ATP6V0A4: variants seen among roughly 807,000 people sequenced by gnomAD.
The protein encoded by ATP6V0A4 is V-type proton ATPase 116 kDa subunit a 4.
A neutral mutation model predicts 107.3 loss-of-function variants in ATP6V0A4; 86 were observed. The observed-to-expected ratio is 0.80, with a 90% CI of 0.67 to 0.96. The LOEUF is 0.96. ATP6V0A4 is among the 40% of genes least tolerant of loss of function. The probability of loss-of-function intolerance (pLI) is 0.00; values close to 1 mark genes in which losing one functional copy is unlikely to be tolerated. For synonymous variants in ATP6V0A4, 353 were observed against 381.4 expected, an observed-to-expected ratio of 0.93 and a Z score of 0.87; for missense variants, 908 against 1,045.6, an observed-to-expected ratio of 0.87 and a Z score of 1.81.
rs1366722734 is a variant in ATP6V0A4 at position 138,747,283 on chromosome 7, A to G, written c.1320+142T>C. ...TCCAAAGGAATTACCTTTGGCCAGA[A>G]GTTTTAGGTTAATTTGGCTCTTTTT... On this transcript the variant is annotated intron_variant, in intron 13 of 21. Coordinates refer to ENST00000310018, the MANE Select transcript of ATP6V0A4 (RefSeq NM_020632.3). 4.6e-6 allele frequency: 5 copies of G among 1,085,790 alleles called. No individual in the cohort carries two copies. In the East Asian group the frequency reaches 1.0e-4, roughly 22 times the overall value. The allele number at this position is 1,085,790 out of a possible 1,614,324, so 67.3% of individuals were successfully genotyped here.
intron 21 of ATP6V0A4, among the ~76,000 whole-genome samples, chr7:138,708,515 C>A (rs758319227): frequency 2.6e-5 from 4 of 152,108 alleles, no homozygotes; most frequent in African/African-American, 9.7e-5. Context: ...AACATCAGGG[C>A]AAGCTGGGTA....
chr7:138,767,076 A>G (rs774125292), intron 5 of ATP6V0A4, among the ~76,000 whole-genome samples: 22 of 152,356 alleles, frequency 1.4e-4, no homozygotes, highest in Non-Finnish European at 2.4e-4. Flanking sequence ...AAACAATGCC[A>G]TCCTTCTCAT....
chr7:138,719,245 C>T (rs1325625410), intron 19 of ATP6V0A4, among the ~76,000 whole-genome samples: 3 of 152,170 alleles, frequency 2.0e-5, no homozygotes, highest in African/African-American at 7.2e-5. Context: ...TTTGTCTTGG[C>T]TCCTGGGAGG....
At chr7:138,788,106 A>G (rs989138418) in intron 1 of ATP6V0A4, among the ~76,000 whole-genome samples, 12 of 152,204 alleles carry the variant, frequency 7.9e-5, no homozygotes, top group African/African-American at 2.7e-4. Flanking sequence ...ACAGGTCCAA[A>G]CAATCATTGA....
intron 19 of ATP6V0A4, among the ~76,000 whole-genome samples, chr7:138,720,051 A>C (rs1203593798): frequency 6.6e-6 from 1 of 151,656 alleles, no homozygotes; most frequent in African/African-American, 2.4e-5. Flanking sequence ...AACAACTGTC[A>C]GCATAGCACT....
chr7:138,715,118 A>G (rs372235160), intron 20 of ATP6V0A4, among the ~76,000 whole-genome samples: 1 of 152,350 alleles, frequency 6.6e-6, no homozygotes. Context: ...TGCAGCCTGC[A>G]GCAGGAGCAC....
intron 18 of ATP6V0A4, among the ~76,000 whole-genome samples, chr7:138,724,005 C>T (rs1414698436): frequency 1.5e-5 from 2 of 129,216 alleles, no homozygotes; most frequent in African/African-American, 5.9e-5. Flanking sequence ...GCCTGGGCAA[C>T]AAAGTGAGAT....
Position 138,749,303 on chromosome 7 carries a change from G to T in ATP6V0A4, c.1044C>A (p.Ser348=). The change falls in exon 12 of 22, where the codon TCC becomes TCA. Residue 348 remains serine (S), a synonymous_variant. Coordinates refer to ENST00000310018, the MANE Select transcript of ATP6V0A4 (RefSeq NM_020632.3). ...ALEQGMELSG[S]SMAPIMTTVQ... ...CTGTGGTCATGATGGGGGCCATGGA[G>T]GAGCCACTTAGTTCCTGGAAAAAAA... 1 of 1,611,448 alleles carries T rather than the reference G, an allele frequency of 6.2e-7. No homozygotes were observed. The highest frequency in any genetic ancestry group is 1.1e-5 in the South Asian group (1 of 90,942).
At chr7:138,724,667 T>C (rs552574721) in intron 18 of ATP6V0A4, among the ~76,000 whole-genome samples, 175 of 152,318 alleles carry the variant, frequency 1.1e-3, no homozygotes, top group African/African-American at 3.9e-3. Flanking sequence ...AACTTTATAT[T>C]TGTCATCTCG....
chr7:138,794,817 T>G (rs1015567977), intron 1 of ATP6V0A4, among the ~76,000 whole-genome samples: 3 of 152,060 alleles, frequency 2.0e-5, no homozygotes, highest in Non-Finnish European at 2.9e-5. Flanking sequence ...CTGGTGACAC[T>G]CGTAAAGTAA....
At chr7:138,780,904 C>T (rs1807890348) in intron 2 of ATP6V0A4, among the ~76,000 whole-genome samples, 1 of 149,650 alleles carries the variant, frequency 6.7e-6, no homozygotes, top group African/African-American at 2.5e-5. Flanking sequence ...GACTTTGCCT[C>T]AAAAAGAAAA....
intron 8 of ATP6V0A4, among the ~76,000 whole-genome samples, chr7:138,757,001 T>C (rs904606990): frequency 2.6e-5 from 4 of 152,202 alleles, no homozygotes; most frequent in Non-Finnish European, 5.9e-5. Flanking sequence ...TTTTGACTCA[T>C]ACATACAGTT....
chr7:138,720,577 C>G (rs1804378091), intron 19 of ATP6V0A4, among the ~76,000 whole-genome samples: 1 of 152,114 alleles, frequency 6.6e-6, no homozygotes. Flanking sequence ...CACTCTGTAC[C>G]TAGAATTTTC....
intron 8 of ATP6V0A4, among the ~76,000 whole-genome samples, chr7:138,757,904 G>A (rs1336705530): frequency 6.6e-6 from 1 of 152,148 alleles, no homozygotes; most frequent in Non-Finnish European, 1.5e-5. Context: ...TTCCTTACGG[G>A]AGCAAGTGGC....
rs755064417 is a variant in ATP6V0A4, at chr7:138,755,744, A to AC, written c.760dup (p.Val254GlyfsTer107). ...GCTCTCCAACATCTCTCTGCGCTCC[A>AC]CCGCAGGCTCTGGGCAAGGGTAGAC... On this transcript the variant is annotated frameshift_variant, in exon 10 of 22. Coordinates refer to ENST00000310018, the MANE Select transcript of ATP6V0A4 (RefSeq NM_020632.3). LOFTEE classifies it high-confidence loss of function. 1 of 1,613,738 alleles carries AC rather than the reference A, an allele frequency of 6.2e-7. No individual in the cohort carries two copies. The highest frequency in any genetic ancestry group is 8.5e-7 in the Non-Finnish European group (1 of 1,180,016).
intron 13 of ATP6V0A4, among the ~76,000 whole-genome samples, chr7:138,746,430 A>G (rs2117275142): frequency 6.6e-6 from 1 of 152,304 alleles, no homozygotes; most frequent in Non-Finnish European, 1.5e-5. Context: ...TATTGGTCAC[A>G]GGTTGATTCT....
At chr7:138,729,529 C>T (rs1804883627) in intron 17 of ATP6V0A4, among the ~76,000 whole-genome samples, 1 of 152,120 alleles carries the variant, frequency 6.6e-6, no homozygotes, top group South Asian at 2.1e-4. Flanking sequence ...GTCTTCAGGC[C>T]TCTGCTGAAA....
At chr7:138,789,221 GGT>G (rs369231193) in intron 1 of ATP6V0A4, among the ~76,000 whole-genome samples, 1 of 138,974 alleles carries the variant, frequency 7.2e-6, no homozygotes, top group African/African-American at 2.8e-5. Flanking sequence ...TTTTTTGGGG[GGT>G]TTTTTTTTGT....
In ATP6V0A4 at chr7:138,734,133, T is replaced by TA. The variant is rs753232747; in HGVS notation, c.1691+2dup. The TA allele has an allele frequency of 9.3e-6, 15 of 1,608,744 alleles. No individual in the cohort carries two copies. Among genetic ancestry groups the TA allele is most frequent in the Admixed American group, 5.0e-5 (3 of 59,948 alleles). On this transcript the variant is annotated splice_region_variant and intron_variant, in intron 16 of 21. Coordinates refer to ENST00000310018, the MANE Select transcript of ATP6V0A4 (RefSeq NM_020632.3). The stretch of plus-strand genomic sequence containing the variant: ...CAGGCAGAGAGTGCATCAAGAAACT[T>TA]ACATGTGATTGAAAAGGCTGAGGAT...
Sources: allele counts gnomAD v4.1 joint callset (sites outside exome capture counted in the v4.1 genomes callset), GRCh38; gene constraint gnomAD v4.1.1; transcripts MANE v1.5; gene names NCBI Gene and HGNC (gene_info 2026-07-23, HGNC 2026-07-21).